The following MKLN1 variants were observed in gnomAD, a reference collection of about 807,000 sequenced individuals.
MKLN1 encodes muskelin.
A neutral mutation model predicts 99.0 loss-of-function variants in MKLN1; 18 were observed. The ratio of observed to expected loss-of-function variants is 0.18; its 90% confidence interval spans 0.13 to 0.27. The LOEUF (loss-of-function observed/expected upper bound fraction) is 0.27. MKLN1 is among the 10% of genes least tolerant of loss of function. The pLI, the probability that MKLN1 is intolerant of heterozygous loss-of-function variation, is 1.00. For synonymous variants in MKLN1, 288 were observed against 293.2 expected, an observed-to-expected ratio of 0.98 and a Z score of 0.18; for missense variants, 621 against 875.9, an observed-to-expected ratio of 0.71 and a Z score of 3.67.
intron 2 of MKLN1, among the ~76,000 whole-genome samples, chr7:131,183,290 T>A (rs1174301418): frequency 6.6e-6 from 1 of 152,166 alleles, no homozygotes; most frequent in East Asian, 1.9e-4. Context: ...AGAGGTAATC[T>A]GAAAATGAGG....
intron 3 of MKLN1, among the ~76,000 whole-genome samples, chr7:131,269,832 C>T (rs1238197477): frequency 6.6e-6 from 1 of 152,200 alleles, no homozygotes; most frequent in Admixed American, 6.5e-5. Context: ...GGATGATGTA[C>T]AAGGGAACAC....
intron 5 of MKLN1, among the ~76,000 whole-genome samples, chr7:131,398,859 A>G (rs1794442349): frequency 6.6e-6 from 1 of 152,210 alleles, no homozygotes; most frequent in Non-Finnish European, 1.5e-5. Context: ...GGATTATTTA[A>G]TGTTCTTTTG....
intron 1 of MKLN1, among the ~76,000 whole-genome samples, chr7:131,370,496 C>T (rs539615736): frequency 9.4e-4 from 139 of 147,662 alleles, no homozygotes; most frequent in African/African-American, 3.2e-3. Context: ...TTTCTTAACC[C>T]TTTTTGTATG....
At chr7:131,111,712 A>G (rs569324210) in intron 1 of MKLN1, among the ~76,000 whole-genome samples, 122 of 152,326 alleles carry the variant, frequency 8.0e-4, no homozygotes, top group African/African-American at 2.8e-3. Context: ...CCTCAGCACT[A>G]GAACTAAGAC....
chr7:131,475,193 C>T (rs1796931069), intron 16 of MKLN1, among the ~76,000 whole-genome samples: 1 of 151,980 alleles, frequency 6.6e-6, no homozygotes, highest in African/African-American at 2.4e-5. Context: ...AGTTTAGACC[C>T]TACATATATT....
At chr7:131,272,723 A>G (rs773627250) in intron 3 of MKLN1, among the ~76,000 whole-genome samples, 26 of 152,342 alleles carry the variant, frequency 1.7e-4, no homozygotes, top group Non-Finnish European at 2.9e-4. Context: ...ACATGGTGGT[A>G]GCAAGAGAAA....
chr7:131,164,419 ATTTG>A (rs1036154623), intron 2 of MKLN1, among the ~76,000 whole-genome samples: 2 of 152,050 alleles, frequency 1.3e-5, no homozygotes, highest in African/African-American at 4.8e-5. Flanking sequence ...CCGGCCACTT[ATTTG>A]TTTTTTATTT....
At chr7:131,275,746 G>A (rs1049841251) in intron 3 of MKLN1, among the ~76,000 whole-genome samples, 1 of 150,842 alleles carries the variant, frequency 6.6e-6, no homozygotes, top group Non-Finnish European at 1.5e-5. Flanking sequence ...CCTTGTATTG[G>A]TTAGGATATC....
In MKLN1 at chr7:131,336,293, CTT is replaced by C. The variant is rs1799248008; in HGVS notation, c.98+8298_98+8299del. ...GCTGCTGTTTGCTTGCATGGTAAAA[CTT>C]TCTCTCTCCTTTTTGCTTTTAATGC... On this transcript the variant is annotated intron_variant, in intron 1 of 17. Transcript: ENST00000352689. 5.3e-5 allele frequency among the ~76,000 whole-genome samples: 8 copies of C among 152,018 alleles called. No individual in the cohort carries two copies. In the South Asian group the frequency reaches 1.7e-3, roughly 32 times the overall value.
At chr7:131,311,841 T>A (rs1244698073) in intron 3 of MKLN1, among the ~76,000 whole-genome samples, 1 of 149,706 alleles carries the variant, frequency 6.7e-6, no homozygotes, top group Non-Finnish European at 1.5e-5. Context: ...TTTTTTTTTT[T>A]ACTTAAAAGG....
chr7:131,178,830 T>C (rs993091531), intron 2 of MKLN1, among the ~76,000 whole-genome samples: 4 of 152,236 alleles, frequency 2.6e-5, no homozygotes, highest in Non-Finnish European at 5.9e-5. Context: ...CATAGCTTAA[T>C]TTTGTTTTGG....
chr7:131,329,003 T>C (rs1008293241), intron 1 of MKLN1, among the ~76,000 whole-genome samples: 2 of 152,214 alleles, frequency 1.3e-5, no homozygotes, highest in Non-Finnish European at 2.9e-5. Context: ...TGAAGAAAAG[T>C]GCTAGTTGTC....
chr7:131,473,649 A>G (rs1796888986), intron 16 of MKLN1, among the ~76,000 whole-genome samples: 1 of 152,212 alleles, frequency 6.6e-6, no homozygotes, highest in African/African-American at 2.4e-5. Context: ...AACACATTTT[A>G]TATTCATTAC....
At chr7:131,302,458 CTT>C (rs1214260418) in intron 3 of MKLN1, among the ~76,000 whole-genome samples, 1 of 152,270 alleles carries the variant, frequency 6.6e-6, no homozygotes, top group East Asian at 1.9e-4. Context: ...CTGGGGTACT[CTT>C]TTTCTGAGCC....
intron 12 of MKLN1, among the ~76,000 whole-genome samples, chr7:131,460,155 A>G (rs1796472968): frequency 6.6e-6 from 1 of 152,006 alleles, no homozygotes; most frequent in Non-Finnish European, 1.5e-5. Context: ...AATCTCCTCA[A>G]GGATACTCAT....
chr7:131,172,439 C>T (rs998961582), intron 2 of MKLN1, among the ~76,000 whole-genome samples: 1 of 152,134 alleles, frequency 6.6e-6, no homozygotes, highest in Non-Finnish European at 1.5e-5. Flanking sequence ...CCTCAGCCTC[C>T]CAAGTAGCTG....
intron 16 of MKLN1, among the ~76,000 whole-genome samples, chr7:131,472,726 G>A (rs917384414): frequency 7.2e-5 from 11 of 151,982 alleles, no homozygotes; most frequent in African/African-American, 1.4e-4. Context: ...CGAGGCGGGC[G>A]GATCACGAGG....
chr7:131,224,309 G>T (rs1797105283), intron 3 of MKLN1, among the ~76,000 whole-genome samples: 1 of 152,210 alleles, frequency 6.6e-6, no homozygotes, highest in Non-Finnish European at 1.5e-5. Flanking sequence ...ACTTTGGGAG[G>T]CCAAGGTGGG....
At chr7:131,158,571 C>G (rs1386803170) in intron 2 of MKLN1, among the ~76,000 whole-genome samples, 2 of 152,220 alleles carry the variant, frequency 1.3e-5, no homozygotes, top group African/African-American at 4.8e-5. Flanking sequence ...CCCGCAGTCA[C>G]ATCCTCACTT....
Sources: gnomAD v4.1 joint callset for allele counts (sites outside exome capture counted in the v4.1 genomes callset) on GRCh38, gnomAD v4.1.1 for gene constraint, MANE v1.5 for transcripts, NCBI Gene and HGNC (gene_info 2026-07-23, HGNC 2026-07-21) for gene names.